The following CPS1 variants were observed in gnomAD, a reference collection of about 807,000 sequenced individuals.
The protein encoded by CPS1 is carbamoyl-phosphate synthase 1.
Under a neutral mutation model 174.6 loss-of-function variants are expected in CPS1, and 109 were observed. That is an observed-to-expected ratio of 0.62 (90% CI 0.53 to 0.73). The LOEUF (loss-of-function observed/expected upper bound fraction) is 0.73. CPS1 is among the 30% of genes least tolerant of loss of function. CPS1 has a pLI of 0.00. For synonymous variants in CPS1, 637 were observed against 632.0 expected, an observed-to-expected ratio of 1.01 and a Z score of -0.12; for missense variants, 1,689 against 1,821.9, an observed-to-expected ratio of 0.93 and a Z score of 1.33.
chr2:210,510,817 A>G (rs1462711109), intron 1 of CPS1, among the ~76,000 whole-genome samples: 2 of 152,248 alleles, frequency 1.3e-5, no homozygotes, highest in Non-Finnish European at 2.9e-5. Context: ...AATGCAAATC[A>G]AAACCACAAT....
chr2:210,478,811 A>G (rs1035185586), intron 1 of CPS1, among the ~76,000 whole-genome samples: 2 of 152,098 alleles, frequency 1.3e-5, no homozygotes, highest in African/African-American at 4.8e-5. Context: ...AACGGAAGGG[A>G]AGTAGAATTA....
At chr2:210,512,920 G>A (rs1401555611) in intron 1 of CPS1, among the ~76,000 whole-genome samples, 2 of 35,694 alleles carry the variant, frequency 5.6e-5, no homozygotes, top group Non-Finnish European at 1.1e-4. Flanking sequence ...ATATATATAT[G>A]GAGATATATA....
intron 4 of CPS1, among the ~76,000 whole-genome samples, chr2:210,578,730 A>G (rs1221587371): frequency 6.6e-6 from 1 of 152,158 alleles, no homozygotes; most frequent in African/African-American, 2.4e-5. Flanking sequence ...GGCCATAGCC[A>G]TTTTCTTCTC....
intron 1 of CPS1, among the ~76,000 whole-genome samples, chr2:210,548,188 T>C (rs980333261): frequency 5.9e-5 from 9 of 152,064 alleles, no homozygotes; most frequent in Non-Finnish European, 1.2e-4. Flanking sequence ...TTCTATTGTG[T>C]ACCTTTGTTT....
chr2:210,562,801 A>G (rs373640540), intron 1 of CPS1, among the ~76,000 whole-genome samples: 7 of 151,980 alleles, frequency 4.6e-5, no homozygotes, highest in African/African-American at 1.7e-4. Flanking sequence ...CAGCAATACC[A>G]TAATCCCAGA....
chr2:210,667,417 C>G (rs1701137447), intron 33 of CPS1, among the ~76,000 whole-genome samples: 1 of 152,254 alleles, frequency 6.6e-6, no homozygotes, highest in East Asian at 1.9e-4. Context: ...CTATCAGGTT[C>G]AAATATACCA....
intron 1 of CPS1, among the ~76,000 whole-genome samples, chr2:210,511,594 G>C (rs894838139): frequency 6.6e-6 from 1 of 152,008 alleles, no homozygotes; most frequent in Non-Finnish European, 1.5e-5. Context: ...GATGAAGAGA[G>C]ACTCAGTATT....
upstream of CPS1, among the ~76,000 whole-genome samples, chr2:210,554,141 A>ATGTATATATACACACACATATATATATG (rs1310113578): frequency 3.8e-4 from 53 of 138,838 alleles, 1 homozygote; most frequent in African/African-American, 1.2e-3. Flanking sequence ...ATACATATAT[A>ATGTATATATACACACACATATATATATG]TATGTATATA....
At chr2:210,643,395 A>G (rs923513590) in intron 25 of CPS1, among the ~76,000 whole-genome samples, 1 of 152,158 alleles carries the variant, frequency 6.6e-6, no homozygotes, top group Admixed American at 6.5e-5. Flanking sequence ...TACAGTTATT[A>G]TTACTTTTTA....
At chr2:210,597,986 C>T (rs906158236) in intron 13 of CPS1, among the ~76,000 whole-genome samples, 2 of 151,846 alleles carry the variant, frequency 1.3e-5, no homozygotes, top group South Asian at 4.1e-4. Flanking sequence ...TAGAAACCAG[C>T]AGAAGGCTCT....
intron 21 of CPS1, among the ~76,000 whole-genome samples, chr2:210,625,742 G>T (rs1384163884): frequency 6.6e-6 from 1 of 152,096 alleles, no homozygotes; most frequent in African/African-American, 2.4e-5. Context: ...CTCATTTGAT[G>T]TTGGGTAGGT....
At chr2:210,480,275 C>T (rs1275122700) in intron 1 of CPS1, among the ~76,000 whole-genome samples, 1 of 152,128 alleles carries the variant, frequency 6.6e-6, no homozygotes, top group Non-Finnish European at 1.5e-5. Context: ...TCACTTCCCT[C>T]GTGTTCTACT....
chr2:210,514,007 GTT>G, intron 1 of CPS1, among the ~76,000 whole-genome samples: 1 of 151,176 alleles, frequency 6.6e-6, no homozygotes, highest in African/African-American at 2.4e-5. Flanking sequence ...ACGTGGCACT[GTT>G]TCTGGGCTCT....
Position 210,663,193 on chromosome 2 carries a change from G to A in CPS1, c.3998G>A (p.Gly1333Glu), listed in dbSNP as rs372645328. The A allele has an allele frequency of 1.9e-6, 3 of 1,612,994 alleles. No homozygotes were observed. Among genetic ancestry groups the A allele is most frequent in the Non-Finnish European group, 2.5e-6 (3 of 1,179,184 alleles). The change falls in exon 33 of 38, where the codon GGA becomes GAA. Residue 1333 changes from glycine (G) to glutamate (E), a missense_variant. Gly to Glu is a moderately conservative substitution (Grantham distance 98). Coordinates refer to ENST00000233072, the MANE Select transcript of CPS1 (RefSeq NM_001875.5). ...PILRCEMASTGEVACFGEGIH... is the reference protein window; with the variant it reads ...PILRCEMASTEEVACFGEGIH... ...CTGAGATGTGAGATGGCTTCCACTG[G>A]AGAGGTAACTAGTTAATAATCCATG...
intron 21 of CPS1, among the ~76,000 whole-genome samples, chr2:210,636,261 C>T (rs1700039537): frequency 6.6e-6 from 1 of 152,006 alleles, no homozygotes; most frequent in Non-Finnish European, 1.5e-5. Flanking sequence ...ATTATTTTTG[C>T]ATGCATTTTG....
At chr2:210,648,618 A>C (rs1700460866) in intron 27 of CPS1, 78 bp downstream of exon 27, 2 of 1,107,508 alleles carry the variant, frequency 1.8e-6, no homozygotes, top group Admixed American at 3.4e-5. Context: ...TGCTAATAGC[A>C]CTAGGGTTCT....
intron 31 of CPS1, 50 bp downstream of exon 31, chr2:210,658,738 T>C (rs760402161): frequency 2.2e-6 from 3 of 1,335,480 alleles, no homozygotes; most frequent in Non-Finnish European, 3.2e-6. Context: ...TGTTACGTCA[T>C]GTTGGTTTGC....
intron 1 of CPS1, among the ~76,000 whole-genome samples, chr2:210,563,604 G>C (rs573183442): frequency 6.6e-6 from 1 of 152,116 alleles, no homozygotes; most frequent in Non-Finnish European, 1.5e-5. Context: ...AAACTGGTTC[G>C]AAGTAAAGGA....
intron 28 of CPS1, among the ~76,000 whole-genome samples, chr2:210,653,561 T>C (rs1700619493): frequency 6.6e-6 from 1 of 152,234 alleles, no homozygotes; most frequent in African/African-American, 2.4e-5. Context: ...ACTCTCATTC[T>C]GAGTTCTCCC....
Sources: allele counts gnomAD v4.1 joint callset (sites outside exome capture counted in the v4.1 genomes callset), GRCh38; gene constraint gnomAD v4.1.1; transcripts MANE v1.5; gene names NCBI Gene and HGNC (gene_info 2026-07-23, HGNC 2026-07-21).